The following NPY2R variants were observed in gnomAD, a reference collection of about 807,000 sequenced individuals.
The protein encoded by NPY2R is neuropeptide Y receptor type 2.
A neutral mutation model predicts 22.3 loss-of-function variants in NPY2R; 17 were observed. The ratio of observed to expected loss-of-function variants is 0.76; its 90% CI spans 0.52 to 1.14. The LOEUF (loss-of-function observed/expected upper bound fraction) is 1.14, where lower values mean the gene tolerates loss of function less well. Among genes scored for constraint, NPY2R ranks in the 50% most tolerant of loss-of-function variants. The pLI, the probability that NPY2R is intolerant of heterozygous loss-of-function variation, is 0.00. For synonymous variants in NPY2R, 209 were observed against 183.4 expected (o/e 1.14, Z -1.13); for missense variants, 424 against 467.9 (o/e 0.91, Z 0.87).
At chr4:155,206,283 T>C (rs1729283239), upstream of NPY2R, among the ~76,000 whole-genome samples, 1 of 152,232 alleles carries the variant, frequency 6.6e-6, no homozygotes, top group African/African-American at 2.4e-5. Flanking sequence ...AATCTTGTCC[T>C]ATTTCAATTT....
the NPY2R span, among the ~76,000 whole-genome samples, chr4:155,185,017 C>T: frequency 6.8e-6 from 1 of 146,072 alleles, no homozygotes; most frequent in Non-Finnish European, 1.5e-5. Context: ...AGTAAAAATC[C>T]TGTTAGGTAC....
At chr4:155,203,386 C>A in the NPY2R span, among the ~76,000 whole-genome samples, 1 of 152,072 alleles carries the variant, frequency 6.6e-6, no homozygotes, top group African/African-American at 2.4e-5. Flanking sequence ...CTGGACTACT[C>A]GCTACAAATG....
chr4:155,214,766 T>C lies in NPY2R; in HGVS notation c.827T>C (p.Val276Ala). 1.2e-6 allele frequency: 2 copies of C among 1,614,068 alleles called. No individual in the cohort carries two copies. The highest frequency in any genetic ancestry group is 2.2e-5 in the South Asian group (2 of 91,078). ...AAAATGCTGGTGTGTGTGGTGGTGG[T>C]GTTTGCGGTCAGCTGGCTGCCTCTC... is the stretch of plus-strand genomic sequence containing the variant. ...TTKMLVCVVV[V>A]FAVSWLPLHA... is the part of the protein sequence containing the mutation. The change falls in exon 2 of 2, where the codon GTG becomes GCG. Residue 276 changes from valine to alanine, a missense_variant. Transcript: ENST00000329476.
intron 1 of NPY2R, among the ~76,000 whole-genome samples, chr4:155,212,336 A>C (rs1578900292): frequency 6.6e-6 from 1 of 152,330 alleles, no homozygotes; most frequent in East Asian, 1.9e-4. Flanking sequence ...ATATTAAAAA[A>C]ATACATCGTA....
At chr4:155,201,766 A>G in the NPY2R span, among the ~76,000 whole-genome samples, 1 of 152,020 alleles carries the variant, frequency 6.6e-6, no homozygotes, top group African/African-American at 2.4e-5. Flanking sequence ...CTTATAGAAA[A>G]TTGTGAAATT....
At chr4:155,175,267 A>G in the NPY2R span, among the ~76,000 whole-genome samples, 1 of 152,162 alleles carries the variant, frequency 6.6e-6, no homozygotes, top group Non-Finnish European at 1.5e-5. Context: ...CAAGTTCAGT[A>G]TAATCTGCTG....
rs548800736 is a variant in NPY2R, at chr4:155,215,614, C to T, written c.*529C>T. On this transcript the variant is annotated 3_prime_UTR_variant, in exon 2 of 2. Transcript: ENST00000329476. Reference sequence around the variant, plus strand: ...ATCCATCAGGGAATGCTGCAGGAAACGATTGCCAACTATACGAATGGCTTC... The same window carrying T: ...ATCCATCAGGGAATGCTGCAGGAAATGATTGCCAACTATACGAATGGCTTC... 41 of 187,740 alleles carry T rather than the reference C, an allele frequency of 2.2e-4. No homozygotes were observed. The highest frequency in any genetic ancestry group is 4.1e-4 in the African/African-American group (17 of 41,832). The allele number at this position is 187,740 out of a possible 1,614,324, so 11.6% of individuals were successfully genotyped here.
At chr4:155,193,912 G>A in the NPY2R span, among the ~76,000 whole-genome samples, 1 of 151,856 alleles carries the variant, frequency 6.6e-6, no homozygotes, top group East Asian at 1.9e-4. Flanking sequence ...GTCTAGCTGG[G>A]AAATAGGTAT....
chr4:155,210,238 G>A (rs1729375998), intron 1 of NPY2R, among the ~76,000 whole-genome samples: 1 of 107,668 alleles, frequency 9.3e-6, no homozygotes, highest in East Asian at 3.4e-4. Flanking sequence ...TCTGGGTAAT[G>A]TTTTGACCTG....
At chr4:155,186,933 A>G in the NPY2R span, among the ~76,000 whole-genome samples, 1 of 149,222 alleles carries the variant, frequency 6.7e-6, no homozygotes, top group Non-Finnish European at 1.5e-5. Context: ...TTAAAAGTCT[A>G]ACACATATAA....
the NPY2R span, among the ~76,000 whole-genome samples, chr4:155,179,829 T>A: frequency 2.0e-5 from 3 of 151,370 alleles, no homozygotes; most frequent in East Asian, 2.0e-4. Context: ...CTGGTCTCCA[T>A]CTCCTCAAGT....
At chr4:155,187,339 T>A in the NPY2R span, among the ~76,000 whole-genome samples, 1 of 152,148 alleles carries the variant, frequency 6.6e-6, no homozygotes, top group African/African-American at 2.4e-5. Flanking sequence ...AGAGAATAGA[T>A]CCCCATCATC....
upstream of NPY2R, among the ~76,000 whole-genome samples, chr4:155,204,941 C>A (rs189910756): frequency 2.0e-3 from 308 of 152,086 alleles, 1 homozygote; most frequent in African/African-American, 7.0e-3. Context: ...TCATGTCTGG[C>A]AGTCGGCCCT....
the NPY2R span, among the ~76,000 whole-genome samples, chr4:155,182,976 A>G: frequency 3.3e-5 from 5 of 151,936 alleles, no homozygotes; most frequent in Non-Finnish European, 7.4e-5. Context: ...CATTTTTGGT[A>G]GTGATGGGGT....
the NPY2R span, among the ~76,000 whole-genome samples, chr4:155,192,671 C>A: frequency 6.6e-6 from 1 of 151,874 alleles, no homozygotes; most frequent in Non-Finnish European, 1.5e-5. Flanking sequence ...TTTAAATACC[C>A]ATCAATGAGT....
At chr4:155,192,646 A>G in the NPY2R span, among the ~76,000 whole-genome samples, 49 of 152,110 alleles carry the variant, frequency 3.2e-4, 1 homozygote, top group East Asian at 8.1e-3. Context: ...TTCAATTTCT[A>G]TACTCTATCA....
At chr4:155,189,615 G>A in the NPY2R span, among the ~76,000 whole-genome samples, 1 of 151,700 alleles carries the variant, frequency 6.6e-6, no homozygotes, top group Non-Finnish European at 1.5e-5. Context: ...TATATCTATT[G>A]TATACATAGA....
upstream of NPY2R, chr4:155,206,673 G>T (rs930427969): frequency 5.9e-5 from 9 of 152,204 alleles, no homozygotes; most frequent in African/African-American, 2.2e-4. Flanking sequence ...CAAATAGTTG[G>T]TTATGGCTGC....
Position 155,214,028 on chromosome 4 carries a change from G to C in NPY2R, c.89G>C (p.Gly30Ala). The C allele has an allele frequency of 3.7e-6, 6 of 1,614,044 alleles. No individual in the cohort carries two copies. The highest frequency in any genetic ancestry group is 5.1e-6 in the Non-Finnish European group (6 of 1,179,924). Reference protein sequence around the residue: ...EQYGPQTTPRGELVPDPEPEL... With the variant: ...EQYGPQTTPRAELVPDPEPEL... The stretch of plus-strand genomic sequence containing the variant: ...TACGGGCCACAAACAACTCCTAGAG[G>C]TGAACTGGTCCCTGACCCTGAGCCA... The change falls in exon 2 of 2, where the codon GGT becomes GCT. Residue 30 changes from glycine (G) to alanine (A), a missense_variant. Physicochemically the swap from Gly to Ala is moderately conservative, Grantham distance 60. Coordinates refer to ENST00000329476, the MANE Select transcript of NPY2R (RefSeq NM_000910.4).
Sources: gnomAD v4.1 joint callset for allele counts (sites outside exome capture counted in the v4.1 genomes callset) on GRCh38, gnomAD v4.1.1 for gene constraint, MANE v1.5 for transcripts, NCBI Gene and HGNC (gene_info 2026-07-23, HGNC 2026-07-21) for gene names.